STK3: variants seen among roughly 807,000 people sequenced by gnomAD.
The protein encoded by STK3 is serine/threonine kinase 3, also known as serine/threonine-protein kinase 3.
A neutral mutation model predicts 58.0 loss-of-function variants in STK3; 41 were observed. The ratio of observed to expected loss-of-function variants is 0.71; its 90% CI spans 0.55 to 0.92. The LOEUF is 0.92. STK3 is among the 40% of genes least tolerant of loss of function. The pLI, the probability that STK3 is intolerant of heterozygous loss-of-function variation, is 0.00. For synonymous variants in STK3, 170 were observed against 191.0 expected (o/e 0.89, Z 0.91); for missense variants, 479 against 602.7 (o/e 0.79, Z 2.15).
At chr8:98,501,997 G>A (rs1823642376) in intron 10 of STK3, among the ~76,000 whole-genome samples, 1 of 152,192 alleles carries the variant, frequency 6.6e-6, no homozygotes, top group African/African-American at 2.4e-5. Flanking sequence ...ACTTTGAGCA[G>A]TATGGCCATT....
intron 4 of STK3, among the ~76,000 whole-genome samples, chr8:98,725,298 C>T (rs530759551): frequency 9.9e-4 from 150 of 152,208 alleles, no homozygotes; most frequent in African/African-American, 3.3e-3. Flanking sequence ...AAAGAATCCA[C>T]AAGAAATTAA....
In STK3 at chr8:98,774,825, T is replaced by C; in HGVS notation, c.27-6A>G. On this transcript the variant is annotated splice_polypyrimidine_tract_variant and splice_region_variant and intron_variant, in intron 1 of 10. Transcript: ENST00000419617. ...CACTCAGCTTTTTTAGTTTACTGAT[T>C]TAAAAAAGAAAGAAGAAAGAAAATA... 1 of 1,532,842 alleles carries C rather than the reference T, an allele frequency of 6.5e-7. No homozygotes were observed. Among genetic ancestry groups the C allele is most frequent in the Non-Finnish European group, 8.7e-7 (1 of 1,145,134 alleles). 95.0% of individuals were successfully genotyped at this position (1,532,842 alleles called of 1,614,324 possible).
intron 6 of STK3, 67 bp from the exon 7 acceptor site, chr8:98,596,236 T>G: frequency 1.4e-6 from 2 of 1,477,854 alleles, no homozygotes; most frequent in Non-Finnish European, 9.1e-7. Context: ...AACAAATCTC[T>G]TTATCTGTCT....
intron 3 of STK3, among the ~76,000 whole-genome samples, chr8:98,871,491 C>G (rs2131876607): frequency 6.6e-6 from 1 of 152,286 alleles, no homozygotes; most frequent in South Asian, 2.1e-4. Flanking sequence ...AATATTCTTC[C>G]ATTTGTTTGT....
chr8:98,767,137 AAAAG>A (rs1449770615), intron 3 of STK3, 102 bp downstream of exon 3: 1 of 1,326,560 alleles, frequency 7.5e-7, no homozygotes, highest in African/African-American at 1.5e-5. Flanking sequence ...AAAGAAAAGA[AAAAG>A]AAATGAAAAC....
In STK3 at chr8:98,729,737, C is replaced by T. The variant is rs117564407; in HGVS notation, c.351+19539G>A. 1.1e-3 allele frequency among the ~76,000 whole-genome samples: 172 copies of T among 152,274 alleles called. 2 individuals are homozygous for T. The East Asian group carries it at 0.021, about 18-fold the overall frequency. On this transcript the variant is annotated intron_variant, in intron 4 of 10. Coordinates refer to ENST00000419617, the MANE Select transcript of STK3 (RefSeq NM_006281.4). ...TAAATACATGTAATCTTTATAACAACTCATATCTTGTCCCATATATCAGAT... is the reference window on the plus strand; with the variant it reads ...TAAATACATGTAATCTTTATAACAATTCATATCTTGTCCCATATATCAGAT...
At chr8:98,794,177 A>C (rs1280112988) in intron 1 of STK3, among the ~76,000 whole-genome samples, 1 of 152,192 alleles carries the variant, frequency 6.6e-6, no homozygotes, top group East Asian at 1.9e-4. Context: ...AAATAAAAGC[A>C]AAGAACTAAA....
At chr8:98,346,684 C>G in the STK3 span, among the ~76,000 whole-genome samples, 3 of 151,730 alleles carry the variant, frequency 2.0e-5, no homozygotes, top group Non-Finnish European at 4.4e-5. Flanking sequence ...TTGTATCAAT[C>G]TAGAATACTA....
At chr8:98,808,595 T>C (rs1236587599) in intron 1 of STK3, among the ~76,000 whole-genome samples, 1 of 152,192 alleles carries the variant, frequency 6.6e-6, no homozygotes, top group Non-Finnish European at 1.5e-5. Context: ...TTTTAACATG[T>C]ACAATTCAGT....
At chr8:98,427,407 T>A (rs1308383181) in intron 3 of STK3, 3 of 152,002 alleles carry the variant, frequency 2.0e-5, no homozygotes, top group Non-Finnish European at 4.4e-5. Context: ...CCCCGGGGCA[T>A]AGCGCCAGGC....
At chr8:98,517,915 G>T (rs1765321655) in intron 10 of STK3, among the ~76,000 whole-genome samples, 1 of 152,038 alleles carries the variant, frequency 6.6e-6, no homozygotes. Context: ...GTTATGAATA[G>T]AAAGCCCACA....
intron 3 of STK3, among the ~76,000 whole-genome samples, chr8:98,866,486 T>C (rs1330193569): frequency 1.3e-5 from 2 of 152,184 alleles, no homozygotes; most frequent in African/African-American, 4.8e-5. Context: ...CTAAATTTCG[T>C]TGAGACATAG....
intron 2 of STK3, among the ~76,000 whole-genome samples, chr8:98,768,826 T>C (rs529187216): frequency 1.3e-4 from 20 of 152,366 alleles, no homozygotes; most frequent in African/African-American, 4.1e-4. Context: ...CCAGATACAG[T>C]TGTAGCAGAT....
intron 6 of STK3, among the ~76,000 whole-genome samples, chr8:98,649,647 A>G (rs1243519382): frequency 6.6e-6 from 1 of 152,182 alleles, no homozygotes; most frequent in Non-Finnish European, 1.5e-5. Context: ...ATTTATTTTA[A>G]TATCTGGTAA....
chr8:98,420,628 C>T (rs370924935), intron 3 of STK3, among the ~76,000 whole-genome samples: 1 of 152,102 alleles, frequency 6.6e-6, no homozygotes, highest in African/African-American at 2.4e-5. Context: ...CCTAATTGGT[C>T]CTGCACCTAC....
At chr8:98,491,447 G>A (rs1037927045) in intron 10 of STK3, among the ~76,000 whole-genome samples, 26 of 148,668 alleles carry the variant, frequency 1.7e-4, no homozygotes, top group Non-Finnish European at 3.3e-4. Context: ...TTTTTTTTGC[G>A]GGGGTGGGGC....
chr8:98,533,153 A>C (rs1041190108), intron 9 of STK3, among the ~76,000 whole-genome samples: 7 of 152,138 alleles, frequency 4.6e-5, no homozygotes, highest in African/African-American at 1.4e-4. Flanking sequence ...GCTCCTATGA[A>C]TATTGTTGAA....
Position 98,413,761 on chromosome 8 carries a change from G to A in STK3, n.484-12248C>T, listed in dbSNP as rs137865520. ...TTGGTCAGGTCATGCCTGACCCCAT[G>A]AGAGGAAGCCCATCGTCATCCATCT... On this transcript the variant is annotated intron_variant and non_coding_transcript_variant, in intron 3 of 3. Coordinates refer to the STK3 transcript ENST00000517832. 2.1e-4 allele frequency: 147 copies of A among 693,214 alleles called. No individual in the cohort carries two copies. In the African/African-American group the frequency reaches 2.4e-3, roughly 11 times the overall value. The allele number at this position is 693,214 out of a possible 1,614,324, so 42.9% of individuals were successfully genotyped here.
rs180870632 is a variant in STK3, at chr8:98,820,328, T to C, written c.26+5187A>G. 4.6e-5 allele frequency among the ~76,000 whole-genome samples: 7 copies of C among 152,312 alleles called. No individual in the cohort carries two copies. In the East Asian group the frequency reaches 1.3e-3, roughly 29 times the overall value. On this transcript the variant is annotated intron_variant, in intron 1 of 10. Coordinates refer to ENST00000419617, the MANE Select transcript of STK3 (RefSeq NM_006281.4). ...TGTCTTGAGAGTAAGTATGCTTCAATAGCTTATTCTTTTACTATCCTTTTA... is the reference window on the plus strand; with the variant it reads ...TGTCTTGAGAGTAAGTATGCTTCAACAGCTTATTCTTTTACTATCCTTTTA...
Sources: allele counts gnomAD v4.1 joint callset (sites outside exome capture counted in the v4.1 genomes callset), GRCh38; gene constraint gnomAD v4.1.1; transcripts MANE v1.5; gene names NCBI Gene and HGNC (gene_info 2026-07-23, HGNC 2026-07-21).